Variants in EVL observed in about 807,000 individuals in gnomAD.
The protein encoded by EVL is ena/VASP-like protein.
A neutral mutation model predicts 59.6 loss-of-function variants in EVL; 21 were observed. The observed-to-expected ratio is 0.35, with a 90% CI of 0.25 to 0.51. The LOEUF (loss-of-function observed/expected upper bound fraction) is 0.51, where lower values mean the gene tolerates loss of function less well. Ranked by LOEUF, EVL falls within the 20% of genes least tolerant of loss-of-function variation. EVL has a pLI of 0.97. For missense variants in EVL, 462 were observed against 546.6 expected (o/e 0.85, Z 1.54); for synonymous variants, 198 against 203.5 (o/e 0.97, Z 0.23).
At chr14:100,086,234 T>C (rs1007528525) in intron 2 of EVL, among the ~76,000 whole-genome samples, 18 of 152,238 alleles carry the variant, frequency 1.2e-4, no homozygotes, top group African/African-American at 4.1e-4. Flanking sequence ...AGAAACCTTC[T>C]AGAAGCTGCC....
chr14:100,047,118 C>CTTTTTT (rs869205625), intron 1 of EVL, among the ~76,000 whole-genome samples: 1 of 23,892 alleles, frequency 4.2e-5, no homozygotes, highest in African/African-American at 1.4e-4. Flanking sequence ...ATCTCTCTCT[C>CTTTTTT]TTTTTTTTTT....
chr14:100,073,835 C>T (rs553595392), intron 1 of EVL, among the ~76,000 whole-genome samples: 2 of 152,318 alleles, frequency 1.3e-5, no homozygotes, highest in African/African-American at 4.8e-5. Flanking sequence ...GAGATGAACA[C>T]TACTTTAAAA....
At chr14:100,137,933 G>A (rs979743033) in intron 11 of EVL, 131 bp downstream of exon 11, 4 of 908,276 alleles carry the variant, frequency 4.4e-6, no homozygotes, top group African/African-American at 3.3e-5. Flanking sequence ...AAGGTGGTCT[G>A]TTCTTTCAGA....
chr14:100,104,027 C>T (rs1886402246), intron 3 of EVL, among the ~76,000 whole-genome samples: 1 of 152,188 alleles, frequency 6.6e-6, no homozygotes, highest in Non-Finnish European at 1.5e-5. Flanking sequence ...GTGCCCCAGT[C>T]GCCTGACCTG....
Position 100,137,474 on chromosome 14 carries a change from C to T in EVL, c.965-104C>T, listed in dbSNP as rs1888873018. 9.5e-6 allele frequency: 12 copies of T among 1,263,976 alleles called. No individual in the cohort carries two copies. The East Asian group carries it at 2.6e-4, about 27-fold the overall frequency. The allele number at this position is 1,263,976 out of a possible 1,614,324, so 78.3% of individuals were successfully genotyped here. ...GACCTTCCTGCCACGGGGCTCTGCA[C>T]CCTTGGCATGGGTGAGGGCTTCCTG... On this transcript the variant is annotated intron_variant, in intron 9 of 13. Transcript: ENST00000392920.
chr14:100,132,684 G>A (rs1278893158), intron 7 of EVL, 35 bp from the exon 8 acceptor site: 2 of 1,611,116 alleles, frequency 1.2e-6, no homozygotes, highest in Non-Finnish European at 1.7e-6. Flanking sequence ...AGAACGTGAG[G>A]AGCTGATCTG....
rs532047547 is a variant in EVL at position 100,026,484 on chromosome 14, C to G, written c.5+54427C>G. Among the ~76,000 whole-genome samples the G allele has an allele frequency of 6.6e-5, 10 of 152,228 alleles. No homozygotes were observed. The South Asian group carries it at 2.1e-3, about 32-fold the overall frequency. On this transcript the variant is annotated intron_variant, in intron 1 of 13. Coordinates refer to the EVL transcript ENST00000402714. ...CCTGTGTCTTAACCATCAGCCCAAC[C>G]TTTCAGTCTTTCCTGTGGGCTCAGA...
rs1249758926 is a variant in EVL at position 99,983,688 on chromosome 14, C to G, written c.5+11631C>G. ...CTTCTCCCTTCTCTCTCAAAGAATT[C>G]TTAAATAAGAAAAGATCTGTTGCTA... On this transcript the variant is annotated intron_variant, in intron 1 of 13. Coordinates refer to the EVL transcript ENST00000402714. Among the ~76,000 whole-genome samples the G allele has an allele frequency of 7.2e-5, 11 of 152,268 alleles. No homozygotes were observed. In the South Asian group the frequency reaches 1.5e-3, roughly 20 times the overall value.
At chr14:100,036,464 G>C (rs1321492537) in intron 1 of EVL, among the ~76,000 whole-genome samples, 1 of 152,170 alleles carries the variant, frequency 6.6e-6, no homozygotes, top group Non-Finnish European at 1.5e-5. Context: ...GGGAAGTAGA[G>C]TTCAGTAATG....
chr14:100,024,608 C>T (rs1300790932), intron 1 of EVL, among the ~76,000 whole-genome samples: 5 of 152,158 alleles, frequency 3.3e-5, no homozygotes, highest in African/African-American at 9.7e-5. Context: ...ACTCTAGCCA[C>T]GTGGGCCTTG....
chr14:100,138,443 T>C (rs935165372), intron 11 of EVL: 1 of 153,520 alleles, frequency 6.5e-6, no homozygotes, highest in South Asian at 2.0e-4. Context: ...ACATAGTATC[T>C]GGAGGTACAT....
intron 1 of EVL, among the ~76,000 whole-genome samples, chr14:100,009,006 A>G (rs1215023294): frequency 1.3e-5 from 2 of 152,244 alleles, no homozygotes; most frequent in Admixed American, 1.3e-4. Context: ...AGAAAGAAAA[A>G]TTAGCTTTTT....
Position 100,099,393 on chromosome 14 carries a change from C to T in EVL, c.358+1735C>T, listed in dbSNP as rs539741333. Among the ~76,000 whole-genome samples the T allele has an allele frequency of 7.2e-5, 11 of 152,266 alleles. No homozygotes were observed. In the East Asian group the frequency reaches 1.7e-3, roughly 24 times the overall value. On this transcript the variant is annotated intron_variant, in intron 3 of 13. Coordinates refer to ENST00000392920, the MANE Select transcript of EVL (RefSeq NM_016337.3). ...TTACATACAAACACACACCCACACA[C>T]ACACACACTGTAGGAGAGTTTTGTG...
chr14:99,986,063 G>C (rs868831700), intron 1 of EVL, among the ~76,000 whole-genome samples: 16 of 152,206 alleles, frequency 1.1e-4, no homozygotes, highest in South Asian at 4.2e-4. Flanking sequence ...AGGCCAAGGC[G>C]AGCGGATCAC....
At chr14:99,976,165 G>A (rs2060768808) in intron 1 of EVL, among the ~76,000 whole-genome samples, 1 of 151,442 alleles carries the variant, frequency 6.6e-6, no homozygotes, top group Non-Finnish European at 1.5e-5. Context: ...ACAGGCACAC[G>A]CCCCCATGGC....
Position 100,143,906 on chromosome 14 carries a change from G to A in EVL, c.*168G>A, listed in dbSNP as rs922964407. On this transcript the variant is annotated 3_prime_UTR_variant, in exon 14 of 14. Transcript: ENST00000392920. Reference sequence around the variant, plus strand: ...ACACATGACAGTGAGGAAACCAAGTGCAACTCCTGGGTTTTTTTAGATTCT... The same window carrying A: ...ACACATGACAGTGAGGAAACCAAGTACAACTCCTGGGTTTTTTTAGATTCT... 6 of 715,564 alleles carry A rather than the reference G, an allele frequency of 8.4e-6. No homozygotes were observed. Among genetic ancestry groups the A allele is most frequent in the Admixed American group, 6.0e-5 (2 of 33,336 alleles). 44.3% of individuals were successfully genotyped at this position (715,564 alleles called of 1,614,324 possible).
chr14:100,108,304 T>C lies in EVL; in HGVS notation c.358+10646T>C, dbSNP rs1016180340. Among the ~76,000 whole-genome samples the C allele has an allele frequency of 3.3e-5, 5 of 152,138 alleles. No homozygotes were observed. The highest frequency in any genetic ancestry group is 5.9e-5 in the Non-Finnish European group (4 of 68,016). On this transcript the variant is annotated intron_variant, in intron 3 of 13. Transcript: ENST00000392920. The surrounding 1 kb of genome is among the most constrained non-coding windows in gnomAD (Gnocchi z 4.1). ...AGGTGGGGCTGAATTTTGCTTCTTGTAAACCTCTTTCCATTGGAAATTACC... is the reference window on the plus strand; with the variant it reads ...AGGTGGGGCTGAATTTTGCTTCTTGCAAACCTCTTTCCATTGGAAATTACC...
intron 1 of EVL, among the ~76,000 whole-genome samples, chr14:100,058,700 C>G (rs2061773491): frequency 6.6e-6 from 1 of 151,962 alleles, no homozygotes; most frequent in South Asian, 2.1e-4. Flanking sequence ...AAAGTAGAGA[C>G]CTGAATGCCC....
At chr14:100,125,105 C>T (rs1030361620) in intron 4 of EVL, among the ~76,000 whole-genome samples, 11 of 150,264 alleles carry the variant, frequency 7.3e-5, no homozygotes, top group African/African-American at 2.7e-4. Flanking sequence ...GACACACACA[C>T]CTGCCCCAAG....
Sources: allele counts gnomAD v4.1 joint callset (sites outside exome capture counted in the v4.1 genomes callset), GRCh38; gene constraint gnomAD v4.1.1; non-coding constraint Gnocchi (gnomAD v3.1); transcripts MANE v1.5; gene names NCBI Gene and HGNC (gene_info 2026-07-23, HGNC 2026-07-21).